Variants in MED13 observed in about 807,000 individuals in gnomAD.
MED13 encodes mediator complex subunit 13.
In MED13, 23 loss-of-function variants were observed where a neutral mutation model predicts 225.2. That is an observed-to-expected ratio of 0.10 (90% CI 0.07 to 0.14). MED13 has a LOEUF of 0.14. Ranked by LOEUF, MED13 falls within the 10% of genes least tolerant of loss-of-function variation. MED13 has a pLI of 1.00. For missense variants in MED13, 2,197 were observed against 2,594.5 expected (o/e 0.85, Z 3.33); for synonymous variants, 942 against 889.2 (o/e 1.06, Z -1.06).
At chr17:62,004,408 T>C (rs1463258713) in intron 9 of MED13, 1 of 152,202 alleles carries the variant, frequency 6.6e-6, no homozygotes, top group East Asian at 1.9e-4. Flanking sequence ...GACCATAGTT[T>C]AGATAAAATG....
In MED13 at chr17:61,965,026, C is replaced by A. The variant is rs372390031; in HGVS notation, c.4824G>T (p.Pro1608=). Residue 1608 remains proline, a synonymous_variant, in exon 20 of 30, where the codon CCG becomes CCT. Coordinates refer to ENST00000397786, the MANE Select transcript of MED13 (RefSeq NM_005121.3). ...SGESSSLPTQ[P]HPDVSESTMD... is the part of the protein sequence containing the mutation. The stretch of plus-strand genomic sequence containing the variant: ...GGTACCTTTCAGACACATCAGGATG[C>A]GGCTGAGTGGGAAGTGAAGATGATT... 6.8e-6 allele frequency: 11 copies of A among 1,613,868 alleles called. No individual in the cohort carries two copies. The highest frequency in any genetic ancestry group is 9.3e-6 in the Non-Finnish European group (11 of 1,179,842).
intron 11 of MED13, among the ~76,000 whole-genome samples, chr17:61,987,421 G>A (rs1276803716): frequency 1.3e-5 from 2 of 151,868 alleles, no homozygotes; most frequent in Non-Finnish European, 2.9e-5. Context: ...GAGACAGAGC[G>A]AGACTCCATC....
At chr17:61,994,157 C>A (rs1385887789) in intron 10 of MED13, among the ~76,000 whole-genome samples, 3 of 151,970 alleles carry the variant, frequency 2.0e-5, no homozygotes, top group African/African-American at 7.3e-5. Flanking sequence ...CGCCATCGCA[C>A]CCAGCTAATT....
At chr17:62,057,867 T>A (rs1358288214) in intron 2 of MED13, among the ~76,000 whole-genome samples, 1 of 152,208 alleles carries the variant, frequency 6.6e-6, no homozygotes, top group East Asian at 1.9e-4. Flanking sequence ...AAGAGTCTCA[T>A]CACAGTCTAA....
chr17:62,064,451 G>C (rs2081065064), intron 1 of MED13, among the ~76,000 whole-genome samples: 2 of 152,094 alleles, frequency 1.3e-5, no homozygotes, highest in African/African-American at 4.8e-5. Flanking sequence ...TATAGAAACA[G>C]TGCAAAACCA....
Position 61,983,097 on chromosome 17 carries a change from T to C in MED13, c.2906A>G (p.Asp969Gly). The change falls in exon 16 of 30, where the codon GAT becomes GGT. Residue 969 changes from aspartate to glycine, a missense_variant. By Grantham distance (94) the Asp-to-Gly change is moderately conservative. Around this residue, in one of 12 missense-constraint regions of MED13, gnomAD observed 160 missense variants for 184.8 expected, o/e 0.87. Transcript: ENST00000397786. The part of the protein sequence containing the change: ...FIKEGDGSNM[D>G]QEYGTAYTPQ... ...TGTATAAGCAGTGCCATATTCTTGA[T>C]CCATATTACTTCCATCACTATCATC... 6.2e-7 allele frequency: 1 copy of C among 1,608,922 alleles called. No individual in the cohort carries two copies. Among genetic ancestry groups the C allele is most frequent in the Non-Finnish European group, 8.5e-7 (1 of 1,177,038 alleles).
At chr17:62,035,149 A>C (rs1368069778) in intron 4 of MED13, among the ~76,000 whole-genome samples, 1 of 152,010 alleles carries the variant, frequency 6.6e-6, no homozygotes, top group Non-Finnish European at 1.5e-5. Context: ...CAAACAAACA[A>C]AATATGGCTT....
chr17:62,022,008 A>T (rs1292862495), intron 8 of MED13, among the ~76,000 whole-genome samples: 1 of 151,934 alleles, frequency 6.6e-6, no homozygotes, highest in Non-Finnish European at 1.5e-5. Context: ...CTCTACTAAA[A>T]ATACAACAAT....
intron 2 of MED13, among the ~76,000 whole-genome samples, chr17:62,058,520 CA>C (rs751957495): frequency 8.1e-3 from 435 of 53,460 alleles, no homozygotes; most frequent in Middle Eastern, 0.024. Flanking sequence ...GACTTCATCT[CA>C]AAAAAAAAAA....
Position 62,043,174 on chromosome 17 carries a change from AAAAAAAAAAAG to A in MED13, c.471-7577_471-7567del, listed in dbSNP as rs1209095760. 2.7e-5 allele frequency among the ~76,000 whole-genome samples: 4 copies of A among 149,144 alleles called. No individual in the cohort carries two copies. The East Asian group carries it at 5.9e-4, about 22-fold the overall frequency. On this transcript the variant is annotated intron_variant, in intron 3 of 29. Transcript: ENST00000397786. ...CTGTCTCCAAAAAAAAAAAAAAAAA[AAAAAAAAAAAG>A]AAAGAAAGAAAGAAAGAAAAATTAT...
At chr17:61,974,768 C>T (rs1274213299) in intron 16 of MED13, among the ~76,000 whole-genome samples, 1 of 151,874 alleles carries the variant, frequency 6.6e-6, no homozygotes, top group Non-Finnish European at 1.5e-5. Flanking sequence ...ATACTATACA[C>T]AAAAAATTCA....
chr17:61,988,963 A>AC (rs2080271385), intron 11 of MED13, among the ~76,000 whole-genome samples: 2 of 145,626 alleles, frequency 1.4e-5, no homozygotes, highest in South Asian at 4.4e-4. Context: ...CCATTCCCCT[A>AC]CCCCCAGTCT....
At chr17:61,969,308 C>T (rs2080086451) in intron 17 of MED13, among the ~76,000 whole-genome samples, 1 of 151,954 alleles carries the variant, frequency 6.6e-6, no homozygotes, top group African/African-American at 2.4e-5. Flanking sequence ...GCTGAGATTG[C>T]ACCAGTGCAC....
At position 62,033,045 on chromosome 17, in the gene MED13, A is replaced by C. The variant is rs111491571; in HGVS notation, c.814+742T>G. Among the ~76,000 whole-genome samples, 117 of 152,084 alleles carry C rather than the reference A, an allele frequency of 7.7e-4. 5 individuals are homozygous for C. The highest frequency in any genetic ancestry group is 2.7e-3 in the African/African-American group (112 of 41,492). On this transcript the variant is annotated intron_variant, in intron 5 of 29. Coordinates refer to ENST00000397786, the MANE Select transcript of MED13 (RefSeq NM_005121.3). Reference sequence around the variant, plus strand: ...TGCGCCTGTAATCCCAGCTACTCTCAAGACTGAGGCACGAAAAGCGCTTGA... The same window carrying C: ...TGCGCCTGTAATCCCAGCTACTCTCCAGACTGAGGCACGAAAAGCGCTTGA...
At chr17:61,958,489 C>T (rs558324141) in intron 23 of MED13, among the ~76,000 whole-genome samples, 86 of 152,162 alleles carry the variant, frequency 5.7e-4, no homozygotes, top group African/African-American at 1.8e-3. Flanking sequence ...CAGGCGTGTA[C>T]GACCACACCC....
At chr17:62,062,597 A>ACCC (rs1210013248) in intron 2 of MED13, among the ~76,000 whole-genome samples, 2 of 62,830 alleles carry the variant, frequency 3.2e-5, no homozygotes, top group Admixed American at 2.2e-4. Flanking sequence ...ACACACACAC[A>ACCC]CACCACACAC....
chr17:62,004,002 T>A (rs755896198), intron 9 of MED13: 4 of 152,226 alleles, frequency 2.6e-5, no homozygotes, highest in Non-Finnish European at 5.9e-5. Context: ...TTTAAAGTTA[T>A]GGCTAGAATT....
intron 8 of MED13, among the ~76,000 whole-genome samples, chr17:62,020,998 G>A (rs1416481258): frequency 6.7e-6 from 1 of 150,232 alleles, no homozygotes; most frequent in Non-Finnish European, 1.5e-5. Flanking sequence ...AGGGCACAGG[G>A]TTGGGGGTAA....
At chr17:62,059,383 G>A (rs2081020371) in intron 2 of MED13, among the ~76,000 whole-genome samples, 1 of 152,086 alleles carries the variant, frequency 6.6e-6, no homozygotes, top group African/African-American at 2.4e-5. Context: ...TCACTACCAA[G>A]AAAAACAAGG....
Sources: allele counts gnomAD v4.1 joint callset (sites outside exome capture counted in the v4.1 genomes callset), GRCh38; gene constraint gnomAD v4.1.1; regional missense constraint gnomAD v4.1.1; transcripts MANE v1.5; gene names NCBI Gene and HGNC (gene_info 2026-07-23, HGNC 2026-07-21).